Variants in RAB43 observed in about 807,000 individuals in gnomAD.
RAB43 encodes the protein ras-related protein Rab-43.
RAB43 carries 6 observed loss-of-function variants against 18.8 expected under a neutral mutation model. The observed-to-expected ratio is 0.32, with a 90% CI of 0.17 to 0.63. The LOEUF is 0.63. Ranked by LOEUF, RAB43 falls within the 30% of genes least tolerant of loss-of-function variation. The pLI is 0.79. For synonymous variants in RAB43, 103 were observed against 124.1 expected (o/e 0.83, Z 1.13); for missense variants, 195 against 289.1 (o/e 0.67, Z 2.36).
At chr3:129,108,479 C>T (rs1033678939) in intron 1 of RAB43, among the ~76,000 whole-genome samples, 1 of 152,248 alleles carries the variant, frequency 6.6e-6, no homozygotes, top group Non-Finnish European at 1.5e-5. Context: ...AGAGGTGAGT[C>T]CCCAGAGACT....
At chr3:129,092,772 T>C (rs1005712326) in intron 2 of RAB43, among the ~76,000 whole-genome samples, 5 of 151,458 alleles carry the variant, frequency 3.3e-5, no homozygotes, top group Admixed American at 2.0e-4. Flanking sequence ...CTGGCTAACA[T>C]GGTGAAACCC....
At position 129,107,557 on chromosome 3, in the gene RAB43, C is replaced by T. The variant is rs189145515; in HGVS notation, c.205-12388G>A. On this transcript the variant is annotated intron_variant, in intron 1 of 2. Coordinates refer to ENST00000315150, the MANE Select transcript of RAB43 (RefSeq NM_198490.3). The surrounding 1 kb of genome is among the most constrained non-coding windows in gnomAD (Gnocchi z 4.2). ...GAAACCAAGGCAGCGTGCAGGAGCT[C>T]GCGGTGGGCACCGCTCAGCTGGGGG... Among the ~76,000 whole-genome samples, 330 of 152,242 alleles carry T rather than the reference C, an allele frequency of 2.2e-3. No homozygotes were observed. The highest frequency in any genetic ancestry group is 7.4e-3 in the African/African-American group (308 of 41,540).
chr3:129,100,845 C>T (rs760492586), intron 1 of RAB43, among the ~76,000 whole-genome samples: 77 of 152,258 alleles, frequency 5.1e-4, no homozygotes, highest in Non-Finnish European at 9.3e-4. Flanking sequence ...CTCGCTCTGT[C>T]GCCCAGGCTG....
chr3:129,102,636 A>AAAAAAAAAAAAAG, intron 1 of RAB43, among the ~76,000 whole-genome samples: 1 of 150,848 alleles, frequency 6.6e-6, no homozygotes, highest in Non-Finnish European at 1.5e-5. Context: ...ATCTCAAAAA[A>AAAAAAAAAAAAAG]AAAAAAATCA....
rs200896936 is a variant in RAB43 at position 129,094,505 on chromosome 3, C to CTTTTTTTTTTT, written c.388+470_388+480dup. ...TAATTCCAATTTTGAATATAACTTT[C>CTTTTTTTTTTT]TTTTTTTTTTTTTTTTTTTTTTTTT... is the stretch of plus-strand genomic sequence containing the variant. On this transcript the variant is annotated intron_variant, in intron 2 of 2. Coordinates refer to ENST00000315150, the MANE Select transcript of RAB43 (RefSeq NM_198490.3). Among the ~76,000 whole-genome samples the CTTTTTTTTTTT allele has an allele frequency of 3.9e-4, 27 of 69,150 alleles. 5 individuals are homozygous for CTTTTTTTTTTT. Among genetic ancestry groups the CTTTTTTTTTTT allele is most frequent in the Admixed American group, 1.0e-3 (4 of 3,826 alleles). The allele number at this position is 69,150 out of a possible 152,430, so 45.4% of individuals were successfully genotyped here. A position where few individuals can be genotyped will look rare whatever the true frequency, so the allele number is the denominator to read the frequency against.
intron 1 of RAB43, among the ~76,000 whole-genome samples, chr3:129,117,930 A>G (rs1310120822): frequency 1.3e-5 from 2 of 152,238 alleles, no homozygotes; most frequent in Non-Finnish European, 2.9e-5. Context: ...CTGTGTCTTC[A>G]AGGAGCTTAC....
At chr3:129,118,220 G>A (rs1057065896) in intron 1 of RAB43, among the ~76,000 whole-genome samples, 2 of 152,228 alleles carry the variant, frequency 1.3e-5, no homozygotes, top group African/African-American at 2.4e-5. Flanking sequence ...GTGAAGGGTA[G>A]AGATGGGCCT....
intron 1 of RAB43, among the ~76,000 whole-genome samples, chr3:129,115,099 GA>G (rs981573728): frequency 3.9e-5 from 6 of 152,146 alleles, no homozygotes; most frequent in Admixed American, 3.9e-4. Context: ...CAGATTTGAA[GA>G]GGTAAAGTCA....
chr3:129,120,932 C>T (rs936401978), intron 1 of RAB43, among the ~76,000 whole-genome samples: 12 of 152,206 alleles, frequency 7.9e-5, no homozygotes, highest in Admixed American at 5.2e-4. Flanking sequence ...GATCTCCGCA[C>T]TCCAAGGCGC....
intron 1 of RAB43, among the ~76,000 whole-genome samples, chr3:129,106,008 GGTCCC>G (rs965543135): frequency 7.2e-5 from 11 of 152,184 alleles, no homozygotes; most frequent in African/African-American, 2.4e-4. Context: ...ACTGTGGGCA[GGTCCC>G]AGTAGTCAGG....
At position 129,095,845 on chromosome 3, in the gene RAB43, C is replaced by G. The variant is rs1393279120; in HGVS notation, c.205-676G>C. 6.6e-6 allele frequency among the ~76,000 whole-genome samples: 1 copy of G among 152,168 alleles called. No homozygotes were observed. The highest frequency in any genetic ancestry group is 1.5e-5 in the Non-Finnish European group (1 of 68,026). On this transcript the variant is annotated intron_variant, in intron 1 of 2. Coordinates refer to ENST00000315150, the MANE Select transcript of RAB43 (RefSeq NM_198490.3). This position sits in a 1 kb window ranked among gnomAD's most constrained non-coding sequence, Gnocchi z 4.2. ...GATGTGGGCTGTGGAGAAGAGGTGCCCATGGGTGGGAGGAGCTTCCCTAGT... is the reference window on the plus strand; with the variant it reads ...GATGTGGGCTGTGGAGAAGAGGTGCGCATGGGTGGGAGGAGCTTCCCTAGT...
intron 1 of RAB43, among the ~76,000 whole-genome samples, chr3:129,103,118 G>C (rs539719950): frequency 6.6e-6 from 1 of 152,342 alleles, no homozygotes; most frequent in South Asian, 2.1e-4. Context: ...CTCGGCCAAG[G>C]CATCCCAACG....
rs747875982 is a variant in RAB43, at chr3:129,104,135, G to A, written c.205-8966C>T. Among the ~76,000 whole-genome samples, 7 of 152,162 alleles carry A rather than the reference G, an allele frequency of 4.6e-5. No individual in the cohort carries two copies. The East Asian group carries it at 5.8e-4, about 13-fold the overall frequency. ...AGAGTACTGAGGACCATTTTGCCCC[G>A]TGAACCTTTTACACTGTCAGCTGAG... On this transcript the variant is annotated intron_variant, in intron 1 of 2. Transcript: ENST00000315150.
At chr3:129,098,310 G>A (rs544151266) in intron 1 of RAB43, among the ~76,000 whole-genome samples, 3 of 152,252 alleles carry the variant, frequency 2.0e-5, no homozygotes, top group Admixed American at 1.3e-4. Flanking sequence ...CCACATTAGC[G>A]AGGCTCAGAA....
At chr3:129,093,404 G>A (rs1252029867) in intron 2 of RAB43, among the ~76,000 whole-genome samples, 6 of 152,092 alleles carry the variant, frequency 3.9e-5, no homozygotes, top group Non-Finnish European at 8.8e-5. Context: ...GAGGTCAGGA[G>A]ATCGAGACCA....
rs1935940339 is a variant in RAB43 at position 129,121,623 on chromosome 3, C to G, written c.-134G>C. On this transcript the variant is annotated 5_prime_UTR_variant, in exon 1 of 3. Transcript: ENST00000315150. Reference sequence around the variant, plus strand: ...CGTGGAGCCGCCGCAACACCTGAACCCCCAGCACTGCCGACCGCCTGCCTC... The same window carrying G: ...CGTGGAGCCGCCGCAACACCTGAACGCCCAGCACTGCCGACCGCCTGCCTC... 2 of 647,696 alleles carry G rather than the reference C, an allele frequency of 3.1e-6. 1 individual carries two copies. The highest frequency in any genetic ancestry group is 4.8e-5 in the South Asian group (2 of 41,596). The allele number at this position is 647,696 out of a possible 1,614,324, so 40.1% of individuals were successfully genotyped here.
intron 1 of RAB43, among the ~76,000 whole-genome samples, chr3:129,109,661 G>C (rs993712189): frequency 2.0e-5 from 3 of 151,156 alleles, no homozygotes; most frequent in African/African-American, 7.3e-5. Context: ...AAAAGTGCTT[G>C]AACCTGGGAG....
chr3:129,113,767 G>A lies in RAB43; in HGVS notation c.204+7519C>T, dbSNP rs565602157. On this transcript the variant is annotated intron_variant, in intron 1 of 2. Transcript: ENST00000315150. ...TATGTGGCCAGGCGCAGTGGCTCACGCCTGTAATCCCAGCACTTTGGGAGG... is the reference window on the plus strand; with the variant it reads ...TATGTGGCCAGGCGCAGTGGCTCACACCTGTAATCCCAGCACTTTGGGAGG... 5.9e-5 allele frequency among the ~76,000 whole-genome samples: 9 copies of A among 152,224 alleles called. No homozygotes were observed. The South Asian group carries it at 6.2e-4, about 11-fold the overall frequency.
chr3:129,109,271 G>C (rs954437631), intron 1 of RAB43, among the ~76,000 whole-genome samples: 3 of 152,004 alleles, frequency 2.0e-5, no homozygotes, highest in African/African-American at 7.2e-5. Flanking sequence ...TTAGCCGGGC[G>C]TGGTGGCGGG....
Sources: allele counts gnomAD v4.1 joint callset (sites outside exome capture counted in the v4.1 genomes callset), GRCh38; gene constraint gnomAD v4.1.1; non-coding constraint Gnocchi (gnomAD v3.1); transcripts MANE v1.5; gene names NCBI Gene and HGNC (gene_info 2026-07-23, HGNC 2026-07-21).